Variants in SDK1 observed in about 807,000 individuals in gnomAD.
SDK1 encodes sidekick cell adhesion molecule 1.
Under a neutral mutation model 245.5 loss-of-function variants are expected in SDK1, and 157 were observed. The ratio of observed to expected loss-of-function variants is 0.64; its 90% CI spans 0.56 to 0.73. The LOEUF is 0.73. Among genes scored for constraint, SDK1 ranks in the 30% least tolerant of loss-of-function variants. The pLI, the probability that SDK1 is intolerant of heterozygous loss-of-function variation, is 0.00. For missense variants in SDK1, 3,583 were observed against 3,002.3 expected (o/e 1.19, Z -4.52); for synonymous variants, 1,647 against 1,278.5 (o/e 1.29, Z -6.15).
chr7:3,588,322 A>G (rs1780754696), intron 1 of SDK1, among the ~76,000 whole-genome samples: 1 of 152,198 alleles, frequency 6.6e-6, no homozygotes, highest in South Asian at 2.1e-4. Flanking sequence ...GTCTGCAGAT[A>G]TTTATTAAGT....
chr7:3,922,714 C>T (rs539304124), intron 5 of SDK1, among the ~76,000 whole-genome samples: 10 of 152,170 alleles, frequency 6.6e-5, no homozygotes, highest in African/African-American at 2.2e-4. Flanking sequence ...AAAGCGTGCA[C>T]GTTTTACTGG....
chr7:3,436,069 T>C (rs148564704), intron 1 of SDK1, among the ~76,000 whole-genome samples: 8 of 152,370 alleles, frequency 5.3e-5, no homozygotes, highest in African/African-American at 1.9e-4. Context: ...TTTAAATCCA[T>C]GATTGTTCAA....
intron 35 of SDK1, among the ~76,000 whole-genome samples, chr7:4,202,398 C>A (rs567579307): frequency 6.0e-4 from 92 of 152,334 alleles, no homozygotes; most frequent in African/African-American, 2.1e-3. Context: ...CATTTTCATC[C>A]CAAGACTCTG....
chr7:3,301,986 C>G, intron 1 of SDK1, 102 bp downstream of exon 1: 1 of 888,396 alleles, frequency 1.1e-6, no homozygotes, highest in Admixed American at 5.9e-5. Flanking sequence ...CTTCCCGGCC[C>G]GGGTCGGGAT....
intron 1 of SDK1, among the ~76,000 whole-genome samples, chr7:3,329,412 A>G (rs1438770977): frequency 1.3e-5 from 2 of 152,190 alleles, no homozygotes; most frequent in African/African-American, 4.8e-5. Context: ...TTGAAAGTGT[A>G]CAATTCAATA....
At chr7:3,556,542 AGGTGT>A (rs1160446615) in intron 1 of SDK1, among the ~76,000 whole-genome samples, 1 of 152,148 alleles carries the variant, frequency 6.6e-6, no homozygotes, top group Non-Finnish European at 1.5e-5. Flanking sequence ...ACTAGAGGCC[AGGTGT>A]GGTGGCTCAC....
chr7:3,717,295 G>C (rs530975424), intron 4 of SDK1, among the ~76,000 whole-genome samples: 1 of 152,170 alleles, frequency 6.6e-6, no homozygotes, highest in South Asian at 2.1e-4. Context: ...AGAGATAACA[G>C]GAAAACTTTA....
chr7:3,864,006 A>C (rs556683537), intron 5 of SDK1, among the ~76,000 whole-genome samples: 11 of 152,348 alleles, frequency 7.2e-5, no homozygotes, highest in African/African-American at 2.4e-4. Flanking sequence ...GGGACACATC[A>C]TACTGTTTTC....
intron 1 of SDK1, among the ~76,000 whole-genome samples, chr7:3,423,572 C>CTTTT (rs57476358): frequency 7.3e-6 from 1 of 137,610 alleles, no homozygotes; most frequent in African/African-American, 2.6e-5. Flanking sequence ...GAAACAGTGG[C>CTTTT]TTTTTTTTTT....
intron 5 of SDK1, among the ~76,000 whole-genome samples, chr7:3,910,546 C>G (rs1329242697): frequency 6.6e-6 from 1 of 152,140 alleles, no homozygotes; most frequent in African/African-American, 2.4e-5. Flanking sequence ...ATTCGGTTAC[C>G]TTCGGCGCTA....
chr7:3,503,193 T>A (rs971254004), intron 1 of SDK1, among the ~76,000 whole-genome samples: 2 of 152,176 alleles, frequency 1.3e-5, no homozygotes, highest in African/African-American at 4.8e-5. Flanking sequence ...TCAAGGTTTT[T>A]AAGAATTTGT....
At chr7:3,906,669 C>G (rs148490031) in intron 5 of SDK1, among the ~76,000 whole-genome samples, 6,336 of 139,240 alleles carry the variant, frequency 0.046, 500 homozygotes, top group African/African-American at 0.16. Flanking sequence ...GTTCTGTCGC[C>G]CAGGCTGGAG....
At chr7:3,369,135 C>A (rs1483796634) in intron 1 of SDK1, among the ~76,000 whole-genome samples, 1 of 152,018 alleles carries the variant, frequency 6.6e-6, no homozygotes, top group East Asian at 1.9e-4. Context: ...ACCTCTGCCT[C>A]CCAGGCTCAA....
At chr7:3,414,045 A>C (rs938550690) in intron 1 of SDK1, among the ~76,000 whole-genome samples, 1 of 152,044 alleles carries the variant, frequency 6.6e-6, no homozygotes, top group East Asian at 1.9e-4. Context: ...AAGTGGAGAG[A>C]GTATGTTTTG....
chr7:3,704,293 T>C (rs1784825139), intron 4 of SDK1, among the ~76,000 whole-genome samples: 1 of 152,174 alleles, frequency 6.6e-6, no homozygotes, highest in Non-Finnish European at 1.5e-5. Context: ...TACTCATTGT[T>C]TGATGCCACA....
intron 5 of SDK1, among the ~76,000 whole-genome samples, chr7:3,949,828 T>C (rs893716239): frequency 2.0e-5 from 3 of 152,248 alleles, no homozygotes; most frequent in African/African-American, 4.8e-5. Context: ...TCAGGATATT[T>C]ACTTTTCAGA....
At chr7:3,573,543 C>G (rs1023265083) in intron 1 of SDK1, among the ~76,000 whole-genome samples, 1 of 152,082 alleles carries the variant, frequency 6.6e-6, no homozygotes, top group Non-Finnish European at 1.5e-5. Flanking sequence ...GTGTGCACCT[C>G]GGGAAGAAGT....
At chr7:4,011,178 A>G in intron 15 of SDK1, 65 bp downstream of exon 15, 4 of 1,567,324 alleles carry the variant, frequency 2.6e-6, no homozygotes, top group Non-Finnish European at 1.7e-6. Flanking sequence ...AAAGAGAAGC[A>G]TCACATTATG....
intron 14 of SDK1, among the ~76,000 whole-genome samples, chr7:4,001,274 T>C (rs946348762): frequency 1.3e-5 from 2 of 152,196 alleles, no homozygotes; most frequent in East Asian, 3.9e-4. Flanking sequence ...ACCATTAGGA[T>C]TGGTCTCCCA....
Sources: allele counts gnomAD v4.1 joint callset (sites outside exome capture counted in the v4.1 genomes callset), GRCh38; gene constraint gnomAD v4.1.1; transcripts MANE v1.5; gene names NCBI Gene and HGNC (gene_info 2026-07-23, HGNC 2026-07-21).